Variants in AKT3 observed in about 807,000 individuals in gnomAD.
The protein encoded by AKT3 is RAC-gamma serine/threonine-protein kinase.
AKT3 carries 15 observed loss-of-function variants against 65.3 expected under a neutral mutation model. The ratio of observed to expected loss-of-function variants is 0.23; its 90% CI spans 0.15 to 0.35. The LOEUF (loss-of-function observed/expected upper bound fraction) is 0.35. AKT3 is among the 10% of genes least tolerant of loss of function. The pLI is 1.00. For missense variants in AKT3, 243 were observed against 576.5 expected (o/e 0.42, Z 5.92); for synonymous variants, 206 against 183.8 (o/e 1.12, Z -0.98).
intron 2 of AKT3, among the ~76,000 whole-genome samples, chr1:243,838,043 C>T (rs1695003666): frequency 2.7e-5 from 4 of 150,576 alleles, no homozygotes; most frequent in Admixed American, 2.6e-4. Context: ...AAAATCAATA[C>T]ATAAAACTTG....
At chr1:243,746,815 CAG>C (rs953670835) in intron 2 of AKT3, among the ~76,000 whole-genome samples, 2 of 151,716 alleles carry the variant, frequency 1.3e-5, no homozygotes, top group African/African-American at 4.8e-5. Context: ...TGAGAAGAAA[CAG>C]AGGATGAAGG....
intron 2 of AKT3, among the ~76,000 whole-genome samples, chr1:243,742,853 C>CTT (rs1180401247): frequency 7.0e-6 from 1 of 142,894 alleles, no homozygotes; most frequent in East Asian, 2.0e-4. Context: ...TCCAGGGTAT[C>CTT]TTTTTTTTTT....
intron 12 of AKT3, among the ~76,000 whole-genome samples, chr1:243,524,581 T>C (rs1670926879): frequency 6.6e-6 from 1 of 152,260 alleles, no homozygotes; most frequent in South Asian, 2.1e-4. Context: ...TAATTCACAC[T>C]GTTTAAATAA....
intron 8 of AKT3, among the ~76,000 whole-genome samples, chr1:243,609,695 T>C (rs891556664): frequency 2.6e-5 from 4 of 152,048 alleles, no homozygotes; most frequent in Non-Finnish European, 5.9e-5. Context: ...ATAATACTTA[T>C]CTATAGCCCA....
At position 243,758,114 on chromosome 1, in the gene AKT3, C is replaced by T. The variant is rs1689254113; in HGVS notation, c.47-62398G>A. ...ATAGGTTATGGTAATAAATTTCATG[C>T]ATTTGTTATTCACTTGACAAATATT... On this transcript the variant is annotated intron_variant, in intron 2 of 13. Transcript: ENST00000673466. 3.3e-5 allele frequency among the ~76,000 whole-genome samples: 5 copies of T among 152,284 alleles called. No homozygotes were observed. The South Asian group carries it at 8.3e-4, about 25-fold the overall frequency.
intron 2 of AKT3, among the ~76,000 whole-genome samples, chr1:243,705,904 C>T (rs534310002): frequency 9.2e-5 from 14 of 152,158 alleles, no homozygotes; most frequent in African/African-American, 3.1e-4. Context: ...TTCCACACAC[C>T]GGATTTAACA....
intron 1 of AKT3, among the ~76,000 whole-genome samples, chr1:243,843,849 A>C (rs1250229658): frequency 6.6e-6 from 1 of 151,706 alleles, no homozygotes; most frequent in Admixed American, 6.6e-5. Context: ...ACGGGGTTTC[A>C]CCATATTGGC....
intron 3 of AKT3, among the ~76,000 whole-genome samples, chr1:243,688,257 C>A (rs564060653): frequency 6.6e-6 from 1 of 151,720 alleles, no homozygotes; most frequent in South Asian, 2.1e-4. Context: ...TGTAATTAAA[C>A]CTGACCAGAA....
chr1:243,672,970 C>T (rs1683250736), intron 3 of AKT3, among the ~76,000 whole-genome samples: 1 of 152,136 alleles, frequency 6.6e-6, no homozygotes, highest in East Asian at 1.9e-4. Context: ...ATAAAAATGA[C>T]ATAAGGCATT....
intron 3 of AKT3, among the ~76,000 whole-genome samples, chr1:243,691,913 A>T (rs1684714739): frequency 6.6e-6 from 1 of 152,202 alleles, no homozygotes; most frequent in African/African-American, 2.4e-5. Flanking sequence ...AGGGTCTTCA[A>T]CCAGAACCCT....
intron 10 of AKT3, among the ~76,000 whole-genome samples, chr1:243,555,689 CAG>C (rs1372193603): frequency 1.3e-5 from 2 of 152,010 alleles, no homozygotes; most frequent in African/African-American, 2.4e-5. Context: ...GTATGATAAA[CAG>C]TGGTATAATG....
chr1:243,563,050 GTTAT>G (rs1188789800), intron 10 of AKT3, among the ~76,000 whole-genome samples: 8 of 152,146 alleles, frequency 5.3e-5, no homozygotes, highest in African/African-American at 1.2e-4. Context: ...AAGACATTAT[GTTAT>G]TTATTTATTT....
At chr1:243,722,477 T>A (rs796634916) in intron 2 of AKT3, among the ~76,000 whole-genome samples, 1 of 152,156 alleles carries the variant, frequency 6.6e-6, no homozygotes, top group South Asian at 2.1e-4. Flanking sequence ...ATTTGTTTTA[T>A]AAAAGGCATT....
intron 12 of AKT3, among the ~76,000 whole-genome samples, chr1:243,524,961 T>C (rs1337560791): frequency 3.3e-5 from 5 of 152,204 alleles, no homozygotes; most frequent in Non-Finnish European, 7.3e-5. Context: ...TTATGCCATT[T>C]AGGGTAAAAA....
At chr1:243,641,036 T>C (rs1218788253) in intron 5 of AKT3, among the ~76,000 whole-genome samples, 2 of 151,898 alleles carry the variant, frequency 1.3e-5, no homozygotes, top group African/African-American at 4.8e-5. Flanking sequence ...GGCTAGAATA[T>C]AAAGCAGGCA....
At chr1:243,557,168 A>G (rs1266900306) in intron 10 of AKT3, among the ~76,000 whole-genome samples, 3 of 152,122 alleles carry the variant, frequency 2.0e-5, no homozygotes, top group African/African-American at 2.4e-5. Context: ...ATACTTACAC[A>G]TATCTTCCAA....
At chr1:243,831,975 G>A (rs1427701307) in intron 2 of AKT3, among the ~76,000 whole-genome samples, 2 of 151,692 alleles carry the variant, frequency 1.3e-5, no homozygotes, top group East Asian at 3.9e-4. Flanking sequence ...AAATCTGTCA[G>A]ATGAATGGAT....
At chr1:243,820,410 C>A (rs1693788040) in intron 2 of AKT3, among the ~76,000 whole-genome samples, 2 of 152,164 alleles carry the variant, frequency 1.3e-5, no homozygotes, top group African/African-American at 2.4e-5. Flanking sequence ...TCCAAATGAT[C>A]ACAACATCTC....
In AKT3 at chr1:243,606,295, C is replaced by T. The variant is rs553697229; in HGVS notation, c.696+7376G>A. ...GAGGGCTCAAAAGAAGACAGAAAAACGTGAGAAAGTTTGGAACTTCCTAGA... is the reference window on the plus strand; with the variant it reads ...GAGGGCTCAAAAGAAGACAGAAAAATGTGAGAAAGTTTGGAACTTCCTAGA... On this transcript the variant is annotated intron_variant, in intron 8 of 13. Transcript: ENST00000673466. Among the ~76,000 whole-genome samples, 74 of 152,270 alleles carry T rather than the reference C, an allele frequency of 4.9e-4. 1 individual carries two copies. Among genetic ancestry groups the T allele is most frequent in the Non-Finnish European group, 2.6e-4 (18 of 68,024 alleles).
Sources: gnomAD v4.1 joint callset for allele counts (sites outside exome capture counted in the v4.1 genomes callset) on GRCh38, gnomAD v4.1.1 for gene constraint, MANE v1.5 for transcripts, NCBI Gene and HGNC (gene_info 2026-07-23, HGNC 2026-07-21) for gene names.